Variants in DPP10 observed in about 807,000 individuals in gnomAD.
DPP10 encodes dipeptidyl peptidase like 10.
A neutral mutation model predicts 120.9 loss-of-function variants in DPP10; 33 were observed. The observed-to-expected ratio is 0.27, with a 90% CI of 0.21 to 0.37. DPP10 has a LOEUF of 0.37. DPP10 is among the 10% of genes least tolerant of loss of function. The pLI is 1.00. For missense variants in DPP10, 816 were observed against 942.8 expected, an observed-to-expected ratio of 0.87 and a Z score of 1.76; for synonymous variants, 337 against 326.1, an observed-to-expected ratio of 1.03 and a Z score of -0.36.
At chr2:114,936,719 G>A (rs1421130699) in intron 1 of DPP10, among the ~76,000 whole-genome samples, 4 of 152,098 alleles carry the variant, frequency 2.6e-5, no homozygotes, top group South Asian at 2.1e-4. Flanking sequence ...CAGTGTAGAG[G>A]TATTAACTTT....
intron 1 of DPP10, among the ~76,000 whole-genome samples, chr2:115,300,079 G>A (rs1423606708): frequency 1.3e-5 from 2 of 152,052 alleles, no homozygotes; most frequent in South Asian, 4.1e-4. Flanking sequence ...TATTATAAAT[G>A]CTGTTTTTAT....
intron 1 of DPP10, among the ~76,000 whole-genome samples, chr2:114,996,710 G>A (rs1701106882): frequency 6.6e-6 from 1 of 152,122 alleles, no homozygotes; most frequent in Non-Finnish European, 1.5e-5. Flanking sequence ...TTTGCTGGGT[G>A]TGGTGGCTCA....
intron 3 of DPP10, among the ~76,000 whole-genome samples, chr2:115,352,397 T>G (rs1047832438): frequency 2.6e-5 from 4 of 152,188 alleles, no homozygotes; most frequent in African/African-American, 7.2e-5. Context: ...TTGAAAAGTT[T>G]GTAGTAAAAT....
intron 2 of DPP10, among the ~76,000 whole-genome samples, chr2:115,329,777 T>A (rs1375414616): frequency 3.9e-5 from 6 of 152,200 alleles, no homozygotes. Context: ...CATCCTTTTT[T>A]ATGGCTGCAT....
intron 7 of DPP10, among the ~76,000 whole-genome samples, chr2:115,726,065 C>G (rs1163387999): frequency 6.6e-6 from 1 of 152,092 alleles, no homozygotes; most frequent in Non-Finnish European, 1.5e-5. Context: ...TTCATTGTCT[C>G]ACCTGAGAAC....
At chr2:115,726,866 A>G (rs75994670) in intron 7 of DPP10, among the ~76,000 whole-genome samples, 264 of 152,192 alleles carry the variant, frequency 1.7e-3, no homozygotes, top group Middle Eastern at 3.4e-3. Flanking sequence ...ATTCTATACC[A>G]TGCTAGGATA....
intron 7 of DPP10, among the ~76,000 whole-genome samples, chr2:115,717,472 G>A (rs917735351): frequency 2.0e-5 from 3 of 152,114 alleles, no homozygotes; most frequent in African/African-American, 7.2e-5. Flanking sequence ...TTACCTACCA[G>A]CTGTGTAAAC....
chr2:115,503,168 C>T (rs1484165262), intron 4 of DPP10, among the ~76,000 whole-genome samples: 2 of 151,998 alleles, frequency 1.3e-5, no homozygotes, highest in East Asian at 1.9e-4. Flanking sequence ...TGATTCCAAG[C>T]AAAATGTTAG....
chr2:114,995,057 G>T (rs954224114), intron 1 of DPP10, among the ~76,000 whole-genome samples: 1 of 152,158 alleles, frequency 6.6e-6, no homozygotes, highest in Admixed American at 6.5e-5. Context: ...GTTAGCAAAC[G>T]TGAAGTAAGC....
At chr2:115,270,192 T>C (rs946875371) in intron 1 of DPP10, among the ~76,000 whole-genome samples, 1 of 151,800 alleles carries the variant, frequency 6.6e-6, no homozygotes, top group Non-Finnish European at 1.5e-5. Flanking sequence ...GCCAAGATAG[T>C]CACTCTCTGG....
intron 1 of DPP10, among the ~76,000 whole-genome samples, chr2:114,697,996 T>G (rs891408786): frequency 2.6e-5 from 4 of 152,100 alleles, no homozygotes; most frequent in Non-Finnish European, 5.9e-5. Flanking sequence ...TTGTCACTAT[T>G]ACATTTCAGA....
chr2:115,719,675 T>C (rs115618929), intron 7 of DPP10, among the ~76,000 whole-genome samples: 1,672 of 152,340 alleles, frequency 0.011, 37 homozygotes, highest in African/African-American at 0.039. Flanking sequence ...TGCTGCATTG[T>C]GGCTTTCAGT....
intron 1 of DPP10, among the ~76,000 whole-genome samples, chr2:114,555,792 T>TGCAC (rs1274640351): frequency 6.6e-6 from 1 of 152,206 alleles, no homozygotes; most frequent in Non-Finnish European, 1.5e-5. Flanking sequence ...TATTGAGCAA[T>TGCAC]GCACATCATA....
intron 1 of DPP10, among the ~76,000 whole-genome samples, chr2:114,563,221 A>G (rs972153436): frequency 1.3e-5 from 2 of 152,110 alleles, no homozygotes; most frequent in African/African-American, 2.4e-5. Context: ...AAAACACAAA[A>G]ATTAGCTGGA....
At chr2:115,141,446 G>A (rs773190475) in intron 1 of DPP10, among the ~76,000 whole-genome samples, 5 of 152,282 alleles carry the variant, frequency 3.3e-5, no homozygotes, top group Admixed American at 1.3e-4. Context: ...GTGAATAAAG[G>A]TTAAAGGTTA....
At chr2:115,099,585 T>G (rs1195821322) in intron 1 of DPP10, among the ~76,000 whole-genome samples, 1 of 152,088 alleles carries the variant, frequency 6.6e-6, no homozygotes, top group East Asian at 1.9e-4. Flanking sequence ...ACAGAAAGCA[T>G]AGATTCCTAG....
At chr2:115,343,955 T>G in intron 3 of DPP10, 43 bp downstream of exon 3, 1 of 1,488,832 alleles carries the variant, frequency 6.7e-7, no homozygotes, top group Non-Finnish European at 9.1e-7. Context: ...TTTTGAGTTC[T>G]GTATAATTAA....
At chr2:114,569,248 G>A (rs769509927) in intron 1 of DPP10, among the ~76,000 whole-genome samples, 1 of 152,162 alleles carries the variant, frequency 6.6e-6, no homozygotes, top group South Asian at 2.1e-4. Flanking sequence ...CATATGAGGA[G>A]CTGGTAAGGG....
chr2:115,327,582 C>A (rs1310783488), intron 2 of DPP10, among the ~76,000 whole-genome samples: 1 of 151,930 alleles, frequency 6.6e-6, no homozygotes, highest in Admixed American at 6.6e-5. Context: ...ACACTTAAAT[C>A]TGAATAATTG....
Sources: allele counts gnomAD v4.1 joint callset (sites outside exome capture counted in the v4.1 genomes callset), GRCh38; gene constraint gnomAD v4.1.1; transcripts MANE v1.5; gene names NCBI Gene and HGNC (gene_info 2026-07-23, HGNC 2026-07-21).